Variants in NIPAL3 observed in about 807,000 individuals in gnomAD.
The protein encoded by NIPAL3 is NIPA like domain containing 3, also known as NIPA-like protein 3.
NIPAL3 carries 41 observed loss-of-function variants against 47.2 expected under a neutral mutation model. The observed-to-expected ratio is 0.87, with a 90% CI of 0.68 to 1.13. The LOEUF is 1.13. NIPAL3 is among the 50% of genes most tolerant of loss of function. NIPAL3 has a pLI of 0.00. For synonymous variants in NIPAL3, 194 were observed against 209.6 expected (o/e 0.93, Z 0.64); for missense variants, 449 against 530.1 (o/e 0.85, Z 1.50).
At chr1:24,417,522 C>T (rs1644116179) in intron 1 of NIPAL3, among the ~76,000 whole-genome samples, 1 of 152,184 alleles carries the variant, frequency 6.6e-6, no homozygotes, top group Non-Finnish European at 1.5e-5. Context: ...AACACATATT[C>T]ATAGGGTTTT....
chr1:24,456,019 CTG>C, intron 7 of NIPAL3, 117 bp from the exon 8 acceptor site: 4 of 1,225,788 alleles, frequency 3.3e-6, no homozygotes, highest in Non-Finnish European at 4.7e-6. Context: ...CGGCTTGACT[CTG>C]TTCCTGTTCC....
chr1:24,457,960 C>T, intron 8 of NIPAL3: 1 of 414,590 alleles, frequency 2.4e-6, no homozygotes, highest in Non-Finnish European at 4.9e-6. Flanking sequence ...CTGTGCTGAG[C>T]ACTCCAGGTG....
rs531475849 is a variant in NIPAL3, at chr1:24,471,615, C to G, written c.*2430C>G. 6.7e-6 allele frequency: 1 copy of G among 148,192 alleles called. No homozygotes were observed. The highest frequency in any genetic ancestry group is 2.2e-4 in the South Asian group (1 of 4,634). The allele number at this position is 148,192 out of a possible 1,614,324, so 9.2% of individuals were successfully genotyped here. ...AAAAAAAAAGATAAGCAGTGGAGGC[C>G]GAATCATGGAGGGTCTTGAATACCT... is the stretch of plus-strand genomic sequence containing the variant. On this transcript the variant is annotated 3_prime_UTR_variant, in exon 12 of 12. Transcript: ENST00000374399.
At chr1:24,427,523 C>T (rs1184229181) in intron 2 of NIPAL3, among the ~76,000 whole-genome samples, 1 of 152,158 alleles carries the variant, frequency 6.6e-6, no homozygotes, top group Non-Finnish European at 1.5e-5. Flanking sequence ...GAAACCTCAG[C>T]CATCTGTGTC....
At position 24,449,032 on chromosome 1, in the gene NIPAL3, G is replaced by A. The variant is rs1157213824; in HGVS notation, c.395-449G>A. ...ACGAATCTCAGAAACATCATGCTGA[G>A]TCAAAAGAGATCACACCGTATGGGT... On this transcript the variant is annotated intron_variant, in intron 5 of 11. Coordinates refer to ENST00000374399, the MANE Select transcript of NIPAL3 (RefSeq NM_020448.5). The surrounding 1 kb of genome is among the most constrained non-coding windows in gnomAD (Gnocchi z 4.5). Among the ~76,000 whole-genome samples, 1 of 152,212 alleles carries A rather than the reference G, an allele frequency of 6.6e-6. No individual in the cohort carries two copies. Among genetic ancestry groups the A allele is most frequent in the African/African-American group, 2.4e-5 (1 of 41,462 alleles).
At chr1:24,425,611 TTTC>T (rs1257200949) in intron 2 of NIPAL3, among the ~76,000 whole-genome samples, 2 of 152,082 alleles carry the variant, frequency 1.3e-5, no homozygotes, top group African/African-American at 2.4e-5. Context: ...CCCTATTACC[TTTC>T]TTCTTATCTT....
chr1:24,430,534 A>G (rs7541523), intron 2 of NIPAL3, among the ~76,000 whole-genome samples: 106,854 of 152,112 alleles, frequency 0.7, 38,626 homozygotes, highest in African/African-American at 0.9. Context: ...ACAGGCATGA[A>G]CCACCGTGCT....
intron 1 of NIPAL3, among the ~76,000 whole-genome samples, chr1:24,417,939 T>C (rs1388785471): frequency 2.0e-5 from 3 of 152,134 alleles, no homozygotes; most frequent in African/African-American, 7.2e-5. Flanking sequence ...GATGAATGCA[T>C]GAGAGAGAAA....
Position 24,470,581 on chromosome 1 carries a change from T to A in NIPAL3, c.*1396T>A, listed in dbSNP as rs1276260763. On this transcript the variant is annotated 3_prime_UTR_variant, in exon 12 of 12. Transcript: ENST00000374399. ...TCCTCCCTAGGGTTCCTTTGGAAGG[T>A]TAAATACTCCCCATAGGATCTGTGG... 1 of 152,176 alleles carries A rather than the reference T, an allele frequency of 6.6e-6. No individual in the cohort carries two copies. Among genetic ancestry groups the A allele is most frequent in the Non-Finnish European group, 1.5e-5 (1 of 68,028 alleles). 9.4% of individuals were successfully genotyped at this position (152,176 alleles called of 1,614,324 possible).
intron 9 of NIPAL3, 62 bp from the exon 10 acceptor site, chr1:24,460,419 A>G (rs1557532742): frequency 8.8e-6 from 12 of 1,370,338 alleles, no homozygotes; most frequent in Non-Finnish European, 9.2e-6. Context: ...AATCCTAGAC[A>G]GACTGGCAGA....
chr1:24,423,158 T>C (rs1644409622), intron 2 of NIPAL3, among the ~76,000 whole-genome samples: 4 of 152,244 alleles, frequency 2.6e-5, no homozygotes, highest in African/African-American at 4.8e-5. Flanking sequence ...GCCTTACATA[T>C]TGAAGGTGCT....
chr1:24,437,209 G>A (rs1645162056), intron 2 of NIPAL3, among the ~76,000 whole-genome samples: 1 of 152,052 alleles, frequency 6.6e-6, no homozygotes, highest in African/African-American at 2.4e-5. Context: ...CCGAGATTGC[G>A]CCACTGCACT....
At chr1:24,452,016 A>C (rs1458182002) in intron 6 of NIPAL3, among the ~76,000 whole-genome samples, 1 of 152,210 alleles carries the variant, frequency 6.6e-6, no homozygotes, top group Non-Finnish European at 1.5e-5. Context: ...ATTAGAAGGA[A>C]TGTTTTAAAT....
At chr1:24,460,417 AC>A in intron 9 of NIPAL3, 63 bp from the exon 10 acceptor site, 1 of 1,364,170 alleles carries the variant, frequency 7.3e-7, no homozygotes, top group Non-Finnish European at 1.0e-6. Context: ...CAAATCCTAG[AC>A]AGACTGGCAG....
chr1:24,468,943 C>A (rs1302045106), intron 11 of NIPAL3, 43 bp from the exon 12 acceptor site: 2 of 1,593,374 alleles, frequency 1.3e-6, no homozygotes, highest in East Asian at 4.5e-5. Flanking sequence ...CTCCTTGGCC[C>A]CCTTACCGCG....
chr1:24,464,268 G>T, intron 11 of NIPAL3, 148 bp downstream of exon 11: 1 of 593,330 alleles, frequency 1.7e-6, no homozygotes. Flanking sequence ...TTAATTTTGT[G>T]CAAAAGGGTA....
At chr1:24,430,933 A>G (rs1255480177) in intron 2 of NIPAL3, among the ~76,000 whole-genome samples, 3 of 152,274 alleles carry the variant, frequency 2.0e-5, no homozygotes, top group Non-Finnish European at 4.4e-5. Flanking sequence ...TAGTTCAAGT[A>G]TAAATGATTT....
intron 2 of NIPAL3, among the ~76,000 whole-genome samples, chr1:24,434,257 A>G (rs1269342852): frequency 6.6e-6 from 1 of 152,196 alleles, no homozygotes; most frequent in Non-Finnish European, 1.5e-5. Context: ...AAAGAAAAAG[A>G]TATTTCATGT....
chr1:24,457,962 C>A lies in NIPAL3; in HGVS notation c.774-926C>A, dbSNP rs578238304. The A allele has an allele frequency of 3.5e-4, 137 of 394,816 alleles. 1 individual carries two copies. The highest frequency in any genetic ancestry group is 2.6e-3 in the South Asian group (135 of 51,294). The allele number at this position is 394,816 out of a possible 1,614,324, so 24.5% of individuals were successfully genotyped here. Reference sequence around the variant, plus strand: ...CCAGTCAAAGGCCCTGTGCTGAGCACTCCAGGTGTCACAAACATGGCTCAG... The same window carrying A: ...CCAGTCAAAGGCCCTGTGCTGAGCAATCCAGGTGTCACAAACATGGCTCAG... On this transcript the variant is annotated intron_variant, in intron 8 of 11. Transcript: ENST00000374399.
Sources: allele counts gnomAD v4.1 joint callset (sites outside exome capture counted in the v4.1 genomes callset), GRCh38; gene constraint gnomAD v4.1.1; non-coding constraint Gnocchi (gnomAD v3.1); transcripts MANE v1.5; gene names NCBI Gene and HGNC (gene_info 2026-07-23, HGNC 2026-07-21).